FSD1L: variants seen among roughly 807,000 people sequenced by gnomAD.
The protein encoded by FSD1L is fibronectin type III and SPRY domain containing 1 like.
FSD1L carries 45 observed loss-of-function variants against 71.6 expected under a neutral mutation model. That is an observed-to-expected ratio of 0.63 (90% CI 0.49 to 0.81). The LOEUF (loss-of-function observed/expected upper bound fraction) is 0.81, where lower values mean the gene tolerates loss of function less well. Ranked by LOEUF, FSD1L falls within the 30% of genes least tolerant of loss-of-function variation. The pLI is 0.00. For missense variants in FSD1L, 561 were observed against 618.1 expected (o/e 0.91, Z 0.98); for synonymous variants, 197 against 207.2 (o/e 0.95, Z 0.42).
intron 10 of FSD1L, chr9:105,530,705 A>G (rs1018866972): frequency 1.4e-5 from 7 of 509,544 alleles, no homozygotes; most frequent in South Asian, 6.1e-5. Flanking sequence ...GAGGCAAACT[A>G]TCAGTGTATT....
At position 105,471,934 on chromosome 9, in the gene FSD1L, G is replaced by A; in HGVS notation, c.370G>A (p.Glu124Lys). The change falls in exon 5 of 14, where the codon GAG becomes AAG. Residue 124 changes from glutamate (E) to lysine (K), a missense_variant. Glu to Lys is a moderately conservative substitution (Grantham distance 56, BLOSUM62 1). Around this residue, in one of 3 missense-constraint regions of FSD1L, gnomAD observed 410 missense variants for 413.5 expected, o/e 0.99. Coordinates refer to ENST00000481272, the MANE Select transcript of FSD1L (RefSeq NM_001145313.3). ...SQISQCNNALENSEELLEFAT... is the reference protein window; with the variant it reads ...SQISQCNNALKNSEELLEFAT... ...GATTAGTCAATGTAATAATGCCCTG[G>A]AGAACTCTGAAGAACTATTAGAATT... 1 of 1,409,290 alleles carries A rather than the reference G, an allele frequency of 7.1e-7. No homozygotes were observed. Among genetic ancestry groups the A allele is most frequent in the Non-Finnish European group, 9.3e-7 (1 of 1,080,304 alleles). 87.3% of individuals were successfully genotyped at this position (1,409,290 alleles called of 1,614,324 possible). A position where few individuals can be genotyped will look rare whatever the true frequency, so the allele number is the denominator to read the frequency against.
intron 7 of FSD1L, among the ~76,000 whole-genome samples, chr9:105,498,296 CAGT>C (rs1833549841): frequency 6.6e-6 from 1 of 151,176 alleles, no homozygotes; most frequent in African/African-American, 2.4e-5. Context: ...AATCATTTGT[CAGT>C]GGTGGGGATA....
intron 5 of FSD1L, among the ~76,000 whole-genome samples, chr9:105,476,363 A>G (rs1015190238): frequency 6.6e-6 from 1 of 151,972 alleles, no homozygotes; most frequent in Non-Finnish European, 1.5e-5. Flanking sequence ...CATTTCTTTA[A>G]TCAGTCATAG....
intron 3 of FSD1L, among the ~76,000 whole-genome samples, 180 bp from the exon 4 acceptor site, chr9:105,468,013 G>C (rs917167824): frequency 3.9e-5 from 6 of 152,178 alleles, no homozygotes; most frequent in African/African-American, 1.4e-4. Flanking sequence ...AGCATTAGCG[G>C]GCAGTTTGTT....
In FSD1L at chr9:105,484,445, T is replaced by G; in HGVS notation, c.529T>G (p.Leu177Val). The G allele has an allele frequency of 6.5e-7, 1 of 1,531,690 alleles. No individual in the cohort carries two copies. Among genetic ancestry groups the G allele is most frequent in the South Asian group, 1.3e-5 (1 of 79,970 alleles). 94.9% of individuals were successfully genotyped at this position (1,531,690 alleles called of 1,614,324 possible). A position where few individuals can be genotyped will look rare whatever the true frequency, so the allele number is the denominator to read the frequency against. Residue 177 changes from leucine (L) to valine (V), a missense_variant, in exon 7 of 14, where the codon TTA (leucine) becomes GTA (valine). By Grantham distance (32) the Leu-to-Val change is conservative (BLOSUM62 1). This residue lies in a region of FSD1L where 410 missense variants were observed against 413.5 expected (regional missense o/e 0.99). Coordinates refer to ENST00000481272, the MANE Select transcript of FSD1L (RefSeq NM_001145313.3). The stretch of plus-strand genomic sequence containing the variant: ...AAAGGTCAGTGACAACATGACTCAT[T>G]TAATGGTGGATTTCTCACAGGAAAG... ...KPKVSDNMTHLMVDFSQERQM... is the reference protein window; with the variant it reads ...KPKVSDNMTHVMVDFSQERQM...
chr9:105,502,267 G>C (rs1262188792), intron 7 of FSD1L, among the ~76,000 whole-genome samples: 1 of 152,064 alleles, frequency 6.6e-6, no homozygotes, highest in Non-Finnish European at 1.5e-5. Flanking sequence ...GGATTAATAT[G>C]GAAAGCACTC....
chr9:105,519,113 G>A (rs1050489131), intron 10 of FSD1L, among the ~76,000 whole-genome samples: 7 of 152,074 alleles, frequency 4.6e-5, no homozygotes, highest in Admixed American at 6.5e-5. Flanking sequence ...GGAAGAAGTC[G>A]AATCCCTGAA....
Position 105,542,480 on chromosome 9 carries a change from G to A in FSD1L, c.1467+3129G>A, listed in dbSNP as rs146445433. On this transcript the variant is annotated intron_variant, in intron 13 of 13. Coordinates refer to ENST00000481272, the MANE Select transcript of FSD1L (RefSeq NM_001145313.3). ...TATTTTACTTTATTTTTAAGACAGG[G>A]TCTCGCTCTGTCACCCAGGCTAGAG... Among the ~76,000 whole-genome samples, 387 of 152,016 alleles carry A rather than the reference G, an allele frequency of 2.5e-3. 2 individuals carry two copies. The highest frequency in any genetic ancestry group is 8.6e-3 in the African/African-American group (355 of 41,446).
chr9:105,539,207 A>G, intron 12 of FSD1L, 56 bp from the exon 13 acceptor site: 1 of 820,170 alleles, frequency 1.2e-6, no homozygotes, highest in Non-Finnish European at 1.9e-6. Flanking sequence ...GTTAGAATTA[A>G]TTAAATGTTA....
Position 105,512,829 on chromosome 9 carries a change from C to G in FSD1L, c.918C>G (p.Asn306Lys), listed in dbSNP as rs1237121533. ...ETKALNFNLD[N>K]SSSHLNLKVE... ...TAGCACTTAACTTCAATTTGGATAACTCCTCATCCCATTTGAACCTGAAAG... is the reference window on the plus strand; with the variant it reads ...TAGCACTTAACTTCAATTTGGATAAGTCCTCATCCCATTTGAACCTGAAAG... The change falls in exon 10 of 14, where the codon AAC (asparagine) becomes AAG (lysine). Residue 306 changes from asparagine (N) to lysine (K), a missense_variant. Coordinates refer to ENST00000481272, the MANE Select transcript of FSD1L (RefSeq NM_001145313.3). The G allele has an allele frequency of 6.6e-7, 1 of 1,523,922 alleles. No homozygotes were observed. 94.4% of individuals were successfully genotyped at this position (1,523,922 alleles called of 1,614,324 possible).
chr9:105,480,183 T>G (rs1237154956), intron 6 of FSD1L, among the ~76,000 whole-genome samples: 1 of 152,218 alleles, frequency 6.6e-6, no homozygotes, highest in African/African-American at 2.4e-5. Context: ...CTCCAAATCC[T>G]AGATTAAATT....
intron 7 of FSD1L, among the ~76,000 whole-genome samples, chr9:105,489,873 A>G (rs2131737309): frequency 6.6e-6 from 1 of 152,318 alleles, no homozygotes; most frequent in East Asian, 1.9e-4. Flanking sequence ...CATGGTGTAT[A>G]TGTGCTACGT....
chr9:105,504,185 A>G (rs760900174), intron 7 of FSD1L, among the ~76,000 whole-genome samples: 4 of 152,246 alleles, frequency 2.6e-5, no homozygotes, highest in Non-Finnish European at 4.4e-5. Flanking sequence ...ATGAATGCCT[A>G]TAGTCTCTTT....
At chr9:105,465,842 T>G (rs1426119279) in intron 3 of FSD1L, among the ~76,000 whole-genome samples, 1 of 151,318 alleles carries the variant, frequency 6.6e-6, no homozygotes, top group Non-Finnish European at 1.5e-5. Flanking sequence ...TTCTGTAAAG[T>G]CAGGAACAAG....
intron 6 of FSD1L, among the ~76,000 whole-genome samples, chr9:105,480,188 T>G (rs1832076557): frequency 6.6e-6 from 1 of 152,210 alleles, no homozygotes; most frequent in South Asian, 2.1e-4. Context: ...AATCCTAGAT[T>G]AAATTATTCT....
chr9:105,452,455 TTCAAG>T (rs936482835), intron 1 of FSD1L, among the ~76,000 whole-genome samples: 1 of 152,206 alleles, frequency 6.6e-6, no homozygotes, highest in African/African-American at 2.4e-5. Flanking sequence ...GTAGTCTGGA[TTCAAG>T]TCAAGTTTTT....
At chr9:105,496,588 C>T (rs1258714252) in intron 7 of FSD1L, among the ~76,000 whole-genome samples, 3 of 152,100 alleles carry the variant, frequency 2.0e-5, no homozygotes, top group Admixed American at 6.5e-5. Flanking sequence ...TTGTAGTTTT[C>T]CTCATATAAA....
chr9:105,514,487 A>G (rs953750097), intron 10 of FSD1L, among the ~76,000 whole-genome samples: 19 of 152,314 alleles, frequency 1.2e-4, no homozygotes, highest in African/African-American at 4.6e-4. Context: ...TGCTTTCAAG[A>G]AATTTGCCCT....
At position 105,534,551 on chromosome 9, in the gene FSD1L, G is replaced by T; in HGVS notation, c.1084G>T (p.Gly362Cys). ...AGGCTCCAGGCCACCAGCAGTAAGA[G>T]GCAGTAGAGATCGTTTTACTGGAGA... ...SVGSRPPAVR[G>C]SRDRFTGESY... The change falls in exon 11 of 14, where the codon GGC (glycine) becomes TGC (cysteine). Residue 362 changes from glycine (G) to cysteine (C), a missense_variant. Physicochemically the swap from Gly to Cys is radical, Grantham distance 159. Coordinates refer to ENST00000481272, the MANE Select transcript of FSD1L (RefSeq NM_001145313.3). 6.4e-7 allele frequency: 1 copy of T among 1,551,120 alleles called. No individual in the cohort carries two copies. Among genetic ancestry groups the T allele is most frequent in the Non-Finnish European group, 8.7e-7 (1 of 1,146,210 alleles).
Sources: allele counts gnomAD v4.1 joint callset (sites outside exome capture counted in the v4.1 genomes callset), GRCh38; gene constraint gnomAD v4.1.1; regional missense constraint gnomAD v4.1.1; transcripts MANE v1.5; gene names NCBI Gene and HGNC (gene_info 2026-07-23, HGNC 2026-07-21).